COL5A1: variants seen among roughly 807,000 people sequenced by gnomAD.
COL5A1 encodes collagen alpha-1(V) chain.
Under a neutral mutation model 263.7 loss-of-function variants are expected in COL5A1, and 16 were observed. The ratio of observed to expected loss-of-function variants is 0.06; its 90% CI spans 0.04 to 0.09. COL5A1 has a LOEUF of 0.09. COL5A1 is among the 10% of genes least tolerant of loss of function. The pLI is 1.00. For missense variants in COL5A1, 2,036 were observed against 2,540.5 expected, an observed-to-expected ratio of 0.80 and a Z score of 4.27; for synonymous variants, 1,012 against 1,004.5, an observed-to-expected ratio of 1.01 and a Z score of -0.14.
At chr9:134,748,123 G>A (rs1427621729) in intron 11 of COL5A1, among the ~76,000 whole-genome samples, 1 of 93,374 alleles carries the variant, frequency 1.1e-5, no homozygotes, top group African/African-American at 4.1e-5. Flanking sequence ...ACACAGACAT[G>A]CATCCACACA....
chr9:134,754,420 G>A lies in COL5A1; in HGVS notation c.1827+94G>A. ...GCGGGCACCCCCAACAGCCAGCTGG[G>A]CCACATGAAGCCAGGTGGCTCCCCT... On this transcript the variant is annotated intron_variant, in intron 16 of 65. Coordinates refer to ENST00000371817, the MANE Select transcript of COL5A1 (RefSeq NM_000093.5). The surrounding 1 kb of genome is among the most constrained non-coding windows in gnomAD (Gnocchi z 4.3). 1.4e-6 allele frequency: 2 copies of A among 1,394,552 alleles called. No individual in the cohort carries two copies. Among genetic ancestry groups the A allele is most frequent in the South Asian group, 1.2e-5 (1 of 86,582 alleles). The allele number at this position is 1,394,552 out of a possible 1,614,324, so 86.4% of individuals were successfully genotyped here. A position where few individuals can be genotyped will look rare whatever the true frequency, so the allele number is the denominator to read the frequency against.
chr9:134,713,319 G>A (rs1030007267), intron 4 of COL5A1, among the ~76,000 whole-genome samples: 2 of 152,358 alleles, frequency 1.3e-5, no homozygotes, highest in Admixed American at 1.3e-4. Context: ...ATGTGGAGCA[G>A]CCTGGCTCCT....
At chr9:134,808,663 CG>C (rs910829734) in intron 42 of COL5A1, among the ~76,000 whole-genome samples, 1 of 152,100 alleles carries the variant, frequency 6.6e-6, no homozygotes, top group South Asian at 2.1e-4. Flanking sequence ...TGTACATAGG[CG>C]TGTTCACATG....
chr9:134,823,294 G>T, intron 60 of COL5A1, 122 bp from the exon 61 acceptor site: 1 of 1,122,396 alleles, frequency 8.9e-7, no homozygotes, highest in Non-Finnish European at 1.4e-6. Context: ...TCTCTTCTCT[G>T]CTGTGGCTGA....
chr9:134,785,794 T>G (rs1296128670), intron 30 of COL5A1, among the ~76,000 whole-genome samples: 2 of 152,106 alleles, frequency 1.3e-5, no homozygotes. Context: ...GACCATCGGG[T>G]ACCCCCTGGA....
chr9:134,744,897 A>G (rs761629483), intron 11 of COL5A1, among the ~76,000 whole-genome samples: 3 of 152,166 alleles, frequency 2.0e-5, no homozygotes, highest in Non-Finnish European at 4.4e-5. Context: ...ACACACACTC[A>G]TGCACATATG....
chr9:134,671,315 A>G (rs574936103), intron 1 of COL5A1, among the ~76,000 whole-genome samples: 53 of 152,298 alleles, frequency 3.5e-4, no homozygotes, highest in Middle Eastern at 3.4e-3. Flanking sequence ...TCCTGCCCCC[A>G]GTGCACCAAT....
chr9:134,668,819 C>T (rs1832434508), intron 1 of COL5A1, among the ~76,000 whole-genome samples: 1 of 151,996 alleles, frequency 6.6e-6, no homozygotes, highest in Admixed American at 6.6e-5. Context: ...ACCTGTCCAC[C>T]CACCTATTCA....
chr9:134,757,208 C>G lies in COL5A1; in HGVS notation c.1881+390C>G, dbSNP rs569641934. Reference sequence around the variant, plus strand: ...GTTGTGGAGGTGAGTAGATGTTGCCCGTGGCTAAAGGCAGGGCTGTGTGTG... The same window carrying G: ...GTTGTGGAGGTGAGTAGATGTTGCCGGTGGCTAAAGGCAGGGCTGTGTGTG... On this transcript the variant is annotated intron_variant, in intron 17 of 65. Transcript: ENST00000371817. The surrounding 1 kb of genome is among the most constrained non-coding windows in gnomAD (Gnocchi z 6.2). Among the ~76,000 whole-genome samples, 1 of 152,050 alleles carries G rather than the reference C, an allele frequency of 6.6e-6. No individual in the cohort carries two copies. The highest frequency in any genetic ancestry group is 1.5e-5 in the Non-Finnish European group (1 of 68,024).
chr9:134,739,167 T>C (rs1835212789), intron 11 of COL5A1, among the ~76,000 whole-genome samples: 1 of 152,186 alleles, frequency 6.6e-6, no homozygotes, highest in Non-Finnish European at 1.5e-5. Context: ...CCACGTGGAA[T>C]TGGCCACCCC....
chr9:134,697,780 G>A (rs1833533033), intron 2 of COL5A1, among the ~76,000 whole-genome samples: 3 of 152,180 alleles, frequency 2.0e-5, no homozygotes. Flanking sequence ...GTCATCTCCA[G>A]AGTCCCCCGC....
intron 27 of COL5A1, among the ~76,000 whole-genome samples, chr9:134,776,781 A>T (rs751394608): frequency 1.8e-4 from 28 of 152,226 alleles, no homozygotes; most frequent in Non-Finnish European, 3.7e-4. Flanking sequence ...ATTATTTCTC[A>T]CAGTCCTGGA....
rs1288675193 is a variant in COL5A1, at chr9:134,705,597, C to G, written c.654+4264C>G. ...TCATCTGTAAAATGGGGCGATAGGGCCAACGCTGTCGGATTTTGGGTTGGT... is the reference window on the plus strand; with the variant it reads ...TCATCTGTAAAATGGGGCGATAGGGGCAACGCTGTCGGATTTTGGGTTGGT... On this transcript the variant is annotated intron_variant, in intron 4 of 65. Transcript: ENST00000371817. 2.0e-5 allele frequency among the ~76,000 whole-genome samples: 3 copies of G among 152,226 alleles called. No individual in the cohort carries two copies. In the East Asian group the frequency reaches 5.8e-4, roughly 29 times the overall value.
At chr9:134,745,841 G>A (rs1163041977) in intron 11 of COL5A1, among the ~76,000 whole-genome samples, 1 of 152,148 alleles carries the variant, frequency 6.6e-6, no homozygotes, top group East Asian at 1.9e-4. Context: ...TCCAGGTGAG[G>A]GTCTTCCTCA....
intron 31 of COL5A1, among the ~76,000 whole-genome samples, chr9:134,788,352 A>G (rs1837542018): frequency 1.3e-5 from 2 of 150,664 alleles, no homozygotes; most frequent in Admixed American, 6.6e-5. Context: ...CGATGGATGA[A>G]TGGATGGGTG....
intron 9 of COL5A1, among the ~76,000 whole-genome samples, chr9:134,734,226 C>T (rs1835013419): frequency 1.3e-5 from 2 of 152,122 alleles, no homozygotes; most frequent in African/African-American, 2.4e-5. Context: ...CCCACAGGAA[C>T]ATCATGGCTC....
Position 134,642,363 on chromosome 9 carries a change from C to A in COL5A1, c.109+67C>A. Reference sequence around the variant, plus strand: ...CGCAGCCCGGGCGCCGCTGTCATCCCCGGGCGCCTTCGCCCGCAGAACTTT... The same window carrying A: ...CGCAGCCCGGGCGCCGCTGTCATCCACGGGCGCCTTCGCCCGCAGAACTTT... On this transcript the variant is annotated intron_variant, in intron 1 of 65. Coordinates refer to ENST00000371817, the MANE Select transcript of COL5A1 (RefSeq NM_000093.5). This position sits in a 1 kb window ranked among gnomAD's most constrained non-coding sequence, Gnocchi z 4.5. 1 of 368,428 alleles carries A rather than the reference C, an allele frequency of 2.7e-6. No individual in the cohort carries two copies. The highest frequency in any genetic ancestry group is 4.3e-6 in the Non-Finnish European group (1 of 231,878). The allele number at this position is 368,428 out of a possible 1,614,324, so 22.8% of individuals were successfully genotyped here. A position where few individuals can be genotyped will look rare whatever the true frequency, so the allele number is the denominator to read the frequency against.
chr9:134,750,809 G>A lies in COL5A1; in HGVS notation c.1589G>A (p.Gly530Asp), dbSNP rs1280599759. Reference sequence around the variant, plus strand: ...TTGCAGTTCCGGTTTGGAGGTGGCGGCGATGCGGGCTCCAAAGGCCCCATG... The same window carrying A: ...TTGCAGTTCCGGTTTGGAGGTGGCGACGATGCGGGCTCCAAAGGCCCCATG... ...LMLPFRFGGG[G>D]DAGSKGPMVS... The change falls in exon 13 of 66, where the codon GGC (glycine) becomes GAC (aspartate). Residue 530 changes from glycine to aspartate, a missense_variant. Gly to Asp is a moderately conservative substitution (Grantham distance 94, BLOSUM62 -1). Around this residue, in one of 3 missense-constraint regions of COL5A1, gnomAD observed 1,078 missense variants for 1,521.4 expected, o/e 0.71. Coordinates refer to ENST00000371817, the MANE Select transcript of COL5A1 (RefSeq NM_000093.5). The A allele has an allele frequency of 5.0e-6, 8 of 1,613,206 alleles. No individual in the cohort carries two copies. Among genetic ancestry groups the A allele is most frequent in the Non-Finnish European group, 6.8e-6 (8 of 1,180,032 alleles).
chr9:134,668,901 A>G (rs1832437347), intron 1 of COL5A1, among the ~76,000 whole-genome samples: 1 of 150,386 alleles, frequency 6.6e-6, no homozygotes, highest in Admixed American at 6.6e-5. Flanking sequence ...TCATCCATCA[A>G]TCCATCCATC....
Sources: gnomAD v4.1 joint callset for allele counts (sites outside exome capture counted in the v4.1 genomes callset) on GRCh38, gnomAD v4.1.1 for gene constraint, gnomAD v4.1.1 regional missense constraint, Gnocchi (gnomAD v3.1) non-coding constraint, MANE v1.5 for transcripts, NCBI Gene and HGNC (gene_info 2026-07-23, HGNC 2026-07-21) for gene names.